LRBA: variants seen among roughly 807,000 people sequenced by gnomAD.
The protein encoded by LRBA is lipopolysaccharide-responsive and beige-like anchor protein.
LRBA carries 176 observed loss-of-function variants against 330.0 expected under a neutral mutation model. The ratio of observed to expected loss-of-function variants is 0.53; its 90% CI spans 0.47 to 0.60. The LOEUF (loss-of-function observed/expected upper bound fraction) is 0.60. Ranked by LOEUF, LRBA falls within the 20% of genes least tolerant of loss-of-function variation. The pLI is 0.00. For missense variants in LRBA, 3,259 were observed against 3,444.8 expected, an observed-to-expected ratio of 0.95 and a Z score of 1.35; for synonymous variants, 1,230 against 1,193.0, an observed-to-expected ratio of 1.03 and a Z score of -0.64.
chr4:150,792,650 C>G (rs529163189), intron 34 of LRBA, among the ~76,000 whole-genome samples: 87 of 152,164 alleles, frequency 5.7e-4, no homozygotes, highest in Non-Finnish European at 8.7e-4. Context: ...GGTCTACAGG[C>G]ACATGCTACC....
At chr4:150,588,616 G>A (rs1772416568) in intron 39 of LRBA, among the ~76,000 whole-genome samples, 1 of 152,104 alleles carries the variant, frequency 6.6e-6, no homozygotes, top group Admixed American at 6.5e-5. Context: ...GTAGAGGCAT[G>A]GCTACAAAAA....
chr4:150,737,561 GA>G (rs1412928456), intron 35 of LRBA, among the ~76,000 whole-genome samples: 3 of 151,614 alleles, frequency 2.0e-5, no homozygotes, highest in South Asian at 4.2e-4. Flanking sequence ...AAGAGAGAGA[GA>G]AAGAAAAGCA....
chr4:150,954,288 C>T (rs899107835), intron 2 of LRBA, among the ~76,000 whole-genome samples: 21 of 149,266 alleles, frequency 1.4e-4, no homozygotes, highest in African/African-American at 5.2e-4. Flanking sequence ...TCATTGAGAA[C>T]GGGCCATGAT....
At chr4:150,558,780 G>C (rs1767669500) in intron 40 of LRBA, among the ~76,000 whole-genome samples, 1 of 152,010 alleles carries the variant, frequency 6.6e-6, no homozygotes, top group Non-Finnish European at 1.5e-5. Flanking sequence ...ATTTTTCTAT[G>C]TATCCATTTG....
chr4:150,346,347 G>A (rs1417908173), intron 48 of LRBA, among the ~76,000 whole-genome samples: 2 of 151,968 alleles, frequency 1.3e-5, no homozygotes, highest in Non-Finnish European at 2.9e-5. Context: ...AAGACTATCA[G>A]TTAAGGCTTA....
At chr4:150,839,462 C>G (rs1748703278) in intron 28 of LRBA, among the ~76,000 whole-genome samples, 1 of 152,134 alleles carries the variant, frequency 6.6e-6, no homozygotes. Flanking sequence ...GGACTATTCA[C>G]AATAGCAAAG....
At chr4:150,867,112 TA>T (rs202028551) in intron 22 of LRBA, among the ~76,000 whole-genome samples, 5,610 of 122,738 alleles carry the variant, frequency 0.046, 149 homozygotes, top group African/African-American at 0.085. Context: ...TGGCTTAATT[TA>T]AAAAAAAAAA....
intron 34 of LRBA, 62 bp downstream of exon 34, chr4:150,798,019 C>A: frequency 9.2e-7 from 1 of 1,082,896 alleles, no homozygotes; most frequent in South Asian, 1.4e-5. Flanking sequence ...TATAAAATCC[C>A]CCATGAAAAC....
At chr4:150,650,647 G>C (rs1310415911) in intron 37 of LRBA, among the ~76,000 whole-genome samples, 1 of 152,034 alleles carries the variant, frequency 6.6e-6, no homozygotes, top group South Asian at 2.1e-4. Flanking sequence ...AAAGTTTCTG[G>C]TCAGATAGTA....
chr4:150,708,076 T>C (rs1256362704), intron 36 of LRBA, among the ~76,000 whole-genome samples: 1 of 151,786 alleles, frequency 6.6e-6, no homozygotes, highest in African/African-American at 2.4e-5. Flanking sequence ...TAGTTCATAA[T>C]ATTCTGGAAA....
chr4:150,486,254 C>A (rs1172955938), intron 42 of LRBA, among the ~76,000 whole-genome samples: 1 of 151,546 alleles, frequency 6.6e-6, no homozygotes, highest in African/African-American at 2.4e-5. Flanking sequence ...GAAAAAAATA[C>A]CTACTGCAAA....
chr4:150,539,096 C>G (rs776997181), intron 40 of LRBA, among the ~76,000 whole-genome samples: 3 of 152,082 alleles, frequency 2.0e-5, no homozygotes, highest in Non-Finnish European at 4.4e-5. Flanking sequence ...CTGCTTCAGG[C>G]TCCCGAGTAG....
In LRBA at chr4:150,786,189, C is replaced by A. The variant is rs573213347; in HGVS notation, c.5580+11892G>T. Among the ~76,000 whole-genome samples, 5 of 152,112 alleles carry A rather than the reference C, an allele frequency of 3.3e-5. No homozygotes were observed. In the South Asian group the frequency reaches 1.0e-3, roughly 32 times the overall value. ...CTAATTACTCCCGTAAATAACATCA[C>A]TGTTGTAGACCCTAAGGTTGGCCAC... On this transcript the variant is annotated intron_variant, in intron 34 of 56. Transcript: ENST00000651943.
At chr4:150,869,623 G>A (rs1288639786) in intron 20 of LRBA, among the ~76,000 whole-genome samples, 2 of 152,244 alleles carry the variant, frequency 1.3e-5, no homozygotes, top group African/African-American at 4.8e-5. Flanking sequence ...AGGAGGCAGA[G>A]GTTACAGTGG....
intron 44 of LRBA, among the ~76,000 whole-genome samples, chr4:150,457,505 C>T (rs1561205693): frequency 1.3e-5 from 2 of 151,844 alleles, no homozygotes; most frequent in Admixed American, 6.6e-5. Context: ...ATTACATTAT[C>T]CACTGTAAAA....
intron 44 of LRBA, among the ~76,000 whole-genome samples, chr4:150,448,100 C>T (rs148943642): frequency 7.2e-5 from 11 of 152,238 alleles, no homozygotes; most frequent in African/African-American, 2.4e-4. Context: ...TTAAACAAAT[C>T]GCTGATTCTA....
chr4:150,388,165 G>C (rs1743359534), intron 47 of LRBA, among the ~76,000 whole-genome samples: 1 of 152,188 alleles, frequency 6.6e-6, no homozygotes, highest in Non-Finnish European at 1.5e-5. Context: ...AGTGATCTCT[G>C]GTAACCCTTC....
intron 47 of LRBA, among the ~76,000 whole-genome samples, chr4:150,373,120 A>ATC (rs1740651553): frequency 8.1e-6 from 1 of 124,072 alleles, no homozygotes; most frequent in African/African-American, 3.2e-5. Context: ...CTTGACTACA[A>ATC]TCTCGTGTGT....
At chr4:150,556,118 T>C (rs1767286400) in intron 40 of LRBA, among the ~76,000 whole-genome samples, 1 of 152,210 alleles carries the variant, frequency 6.6e-6, no homozygotes, top group Admixed American at 6.5e-5. Flanking sequence ...TCTAAAAATA[T>C]TCTAGCAAAA....
Sources: allele counts gnomAD v4.1 joint callset (sites outside exome capture counted in the v4.1 genomes callset), GRCh38; gene constraint gnomAD v4.1.1; transcripts MANE v1.5; gene names NCBI Gene and HGNC (gene_info 2026-07-23, HGNC 2026-07-21).